The following WNK3 variants were observed in gnomAD, a reference collection of about 807,000 sequenced individuals.
WNK3 encodes WNK lysine deficient protein kinase 3.
WNK3 carries 18 observed loss-of-function variants against 116.7 expected under a neutral mutation model. The ratio of observed to expected loss-of-function variants is 0.15; its 90% CI spans 0.11 to 0.23. The LOEUF is 0.23. Ranked by LOEUF, WNK3 falls within the 10% of genes least tolerant of loss-of-function variation. The probability of loss-of-function intolerance (pLI) is 1.00; values close to 1 mark genes in which losing one functional copy is unlikely to be tolerated. For missense variants in WNK3, 993 were observed against 1,323.8 expected (o/e 0.75, Z 3.88); for synonymous variants, 404 against 469.4 (o/e 0.86, Z 1.80).
chrX:54,233,444 AAAAAG>A (rs1437228067), intron 20 of WNK3, among the ~76,000 whole-genome samples: 11 of 102,543 alleles, frequency 1.1e-4, no homozygotes, highest in Non-Finnish European at 2.0e-4. Flanking sequence ...TCAAAAAAAA[AAAAAG>A]AAAGAAAGAG....
chrX:54,290,261 G>A (rs1203256891), intron 10 of WNK3, among the ~76,000 whole-genome samples: 1 of 102,951 alleles, frequency 9.7e-6, no homozygotes, highest in Non-Finnish European at 1.9e-5. Flanking sequence ...GGGTGACAGA[G>A]TGAGACTCTG....
rs958055900 is a variant in WNK3 at position 54,232,859 on chromosome X, C to T, written c.4790G>A (p.Arg1597Gln). ...ATGTGTCAAGGACTGGGGGCGGCTT[C>T]GAAGTTTGCTTTTGAAAGATCTTGG... The change falls in exon 21 of 24, where the codon CGA becomes CAA. Residue 1597 changes from arginine to glutamine, a missense_variant. Physicochemically the swap from Arg to Gln is conservative, Grantham distance 43. Transcript: ENST00000354646. 11 of 1,211,350 alleles carry T rather than the reference C, an allele frequency of 9.1e-6. No individual in the cohort carries two copies. Among genetic ancestry groups the T allele is most frequent in the South Asian group, 1.8e-5 (1 of 56,946 alleles).
At chrX:54,303,106 G>A (rs2147146701) in intron 5 of WNK3, among the ~76,000 whole-genome samples, 1 of 106,884 alleles carries the variant, frequency 9.4e-6, no homozygotes, top group East Asian at 2.9e-4. Context: ...AGAATGGCTA[G>A]AAGCCATCGG....
intron 22 of WNK3, among the ~76,000 whole-genome samples, chrX:54,214,233 T>C (rs2067656380): frequency 9.0e-6 from 1 of 111,486 alleles, no homozygotes; most frequent in African/African-American, 3.3e-5. Context: ...TCCTCCCGCC[T>C]TGGCCTCCCA....
In WNK3 at chrX:54,294,725, C is replaced by A. The variant is rs149832313; in HGVS notation, c.1521G>T (p.Arg507Ser). 373 of 1,208,739 alleles carry A rather than the reference C, an allele frequency of 3.1e-4. 1 individual carries two copies. In the African/African-American group the frequency reaches 3.7e-3, roughly 12 times the overall value. The change falls in exon 8 of 24, where the codon AGG becomes AGT. Residue 507 changes from arginine to serine, a missense_variant. Physicochemically the swap from Arg to Ser is moderately radical, Grantham distance 110. Transcript: ENST00000354646. Reference sequence around the variant, plus strand: ...TCCCCATAGACTTGCACTGAGAATCCCTGCGTTCTTCCAAACAGCCAGCAG... The same window carrying A: ...TCCCCATAGACTTGCACTGAGAATCACTGCGTTCTTCCAAACAGCCAGCAG...
At chrX:54,343,004 A>G (rs782078467) in intron 1 of WNK3, among the ~76,000 whole-genome samples, 1 of 110,619 alleles carries the variant, frequency 9.0e-6, no homozygotes, top group South Asian at 3.9e-4. Flanking sequence ...GTGAGCCTCC[A>G]CACCTAGCTA....
At position 54,333,552 on chromosome X, in the gene WNK3, T is replaced by C; in HGVS notation, c.122A>G (p.Glu41Gly). 8.3e-7 allele frequency: 1 copy of C among 1,210,742 alleles called. No individual in the cohort carries two copies. Among genetic ancestry groups the C allele is most frequent in the South Asian group, 1.8e-5 (1 of 56,977 alleles). ...AGAAGCAGAGAAGGTACTGTTTTTC[T>C]CCTTTAGTCTAGCTTCTACTGTCAA... Residue 41 changes from glutamate (E) to glycine (G), a missense_variant, in exon 2 of 24, where the codon GAG becomes GGG. This residue lies in a region of WNK3 where 92 missense variants were observed against 98.7 expected (regional missense o/e 0.93). Coordinates refer to ENST00000354646, the Ensembl canonical transcript of WNK3.
intron 17 of WNK3, among the ~76,000 whole-genome samples, chrX:54,240,669 G>A (rs1186682905): frequency 8.9e-6 from 1 of 111,781 alleles, no homozygotes; most frequent in African/African-American, 3.2e-5. Flanking sequence ...TCAAAATGCT[G>A]CAAACCTGAG....
intron 1 of WNK3, among the ~76,000 whole-genome samples, chrX:54,335,365 T>A (rs1557175216): frequency 8.9e-6 from 1 of 112,345 alleles, no homozygotes; most frequent in African/African-American, 3.2e-5. Flanking sequence ...CAGACATAAT[T>A]CTGAAATTAT....
intron 10 of WNK3, among the ~76,000 whole-genome samples, chrX:54,283,903 A>G (rs2068550423): frequency 9.2e-6 from 1 of 108,978 alleles, no homozygotes; most frequent in Non-Finnish European, 1.9e-5. Context: ...CTTACTTCAC[A>G]GCATTCATAA....
chrX:54,232,133 A>ATGTATG (rs1557149097), intron 21 of WNK3, among the ~76,000 whole-genome samples: 1 of 103,268 alleles, frequency 9.7e-6, no homozygotes, highest in African/African-American at 3.6e-5. Flanking sequence ...ATATATATAT[A>ATGTATG]TATGTATGTA....
intron 7 of WNK3, among the ~76,000 whole-genome samples, chrX:54,297,802 G>T (rs1198155628): frequency 1.8e-5 from 2 of 111,382 alleles, no homozygotes; most frequent in South Asian, 3.8e-4. Flanking sequence ...GGTCAGGCTC[G>T]ATGGCTCACG....
chrX:54,270,960 G>A (rs1219640002), intron 10 of WNK3, among the ~76,000 whole-genome samples: 1 of 111,503 alleles, frequency 9.0e-6, no homozygotes, highest in African/African-American at 3.3e-5. Context: ...TGTATTTTTA[G>A]TAGAGACACA....
chrX:54,255,276 G>A (rs1557155250), intron 12 of WNK3, among the ~76,000 whole-genome samples: 4 of 111,514 alleles, frequency 3.6e-5, no homozygotes, highest in Admixed American at 1.9e-4. Context: ...CACTGCGCCC[G>A]GCTCACTCCT....
At chrX:54,265,186 C>T (rs1485528031) in intron 10 of WNK3, among the ~76,000 whole-genome samples, 1 of 111,656 alleles carries the variant, frequency 9.0e-6, no homozygotes, top group Non-Finnish European at 1.9e-5. Context: ...GTTTAATCAT[C>T]ATTCAAGAGG....
intron 22 of WNK3, among the ~76,000 whole-genome samples, chrX:54,215,000 C>G (rs1267253875): frequency 3.7e-5 from 4 of 107,707 alleles, no homozygotes; most frequent in Admixed American, 3.0e-4. Flanking sequence ...GCCTATAGTC[C>G]CAGCTACCTG....
chrX:54,325,070 C>T (rs1331646476), intron 2 of WNK3, among the ~76,000 whole-genome samples: 3 of 111,897 alleles, frequency 2.7e-5, no homozygotes, highest in Non-Finnish European at 5.6e-5. Context: ...GTTACTTCCA[C>T]TGCATTGCTT....
chrX:54,318,128 A>G (rs2068984068), intron 2 of WNK3, among the ~76,000 whole-genome samples: 1 of 109,085 alleles, frequency 9.2e-6, no homozygotes, highest in African/African-American at 3.3e-5. Context: ...GGAGGTCAAG[A>G]CGGGCAGATA....
At chrX:54,341,349 A>G (rs1325132550) in intron 1 of WNK3, among the ~76,000 whole-genome samples, 1 of 110,121 alleles carries the variant, frequency 9.1e-6, no homozygotes, top group African/African-American at 3.3e-5. Context: ...GCGAGCCAAG[A>G]TGGCGCCACT....
Sources: allele counts gnomAD v4.1 joint callset (sites outside exome capture counted in the v4.1 genomes callset), GRCh38; gene constraint gnomAD v4.1.1; regional missense constraint gnomAD v4.1.1; transcripts MANE v1.5; gene names NCBI Gene and HGNC (gene_info 2026-07-23, HGNC 2026-07-21).